The following GPC5 variants were observed in gnomAD, a reference collection of about 807,000 sequenced individuals.
GPC5 encodes the protein glypican 5, also known as glypican-5.
Under a neutral mutation model 53.9 loss-of-function variants are expected in GPC5, and 47 were observed. The ratio of observed to expected loss-of-function variants is 0.87; its 90% confidence interval spans 0.69 to 1.11. The LOEUF is 1.11. Among genes scored for constraint, GPC5 ranks in the 50% most tolerant of loss-of-function variants. The pLI, the probability that GPC5 is intolerant of heterozygous loss-of-function variation, is 0.00. For missense variants in GPC5, 748 were observed against 713.1 expected (o/e 1.05, Z -0.56); for synonymous variants, 286 against 263.3 (o/e 1.09, Z -0.84).
At chr13:92,714,418 T>A (rs1458520535) in intron 7 of GPC5, among the ~76,000 whole-genome samples, 1 of 152,198 alleles carries the variant, frequency 6.6e-6, no homozygotes, top group Non-Finnish European at 1.5e-5. Context: ...TCCCACATAA[T>A]TTTGGATTGT....
intron 2 of GPC5, among the ~76,000 whole-genome samples, chr13:91,509,112 A>G (rs886127479): frequency 6.6e-6 from 1 of 152,222 alleles, no homozygotes; most frequent in Non-Finnish European, 1.5e-5. Flanking sequence ...TCTTTCCTGT[A>G]AGAAGCAGGA....
chr13:92,158,655 A>T (rs546825302), intron 7 of GPC5, among the ~76,000 whole-genome samples: 14 of 151,998 alleles, frequency 9.2e-5, no homozygotes, highest in Non-Finnish European at 1.9e-4. Flanking sequence ...TCACATCCCC[A>T]CTGCTACTAT....
intron 7 of GPC5, among the ~76,000 whole-genome samples, chr13:92,266,517 C>A (rs2042803523): frequency 6.6e-6 from 1 of 152,070 alleles, no homozygotes; most frequent in East Asian, 1.9e-4. Context: ...TCGGAGAATT[C>A]ACTGCTGAGT....
At chr13:92,787,796 G>T (rs1478141084) in intron 7 of GPC5, among the ~76,000 whole-genome samples, 1 of 150,930 alleles carries the variant, frequency 6.6e-6, no homozygotes, top group Admixed American at 6.6e-5. Context: ...AGGATTGCTT[G>T]AGCCTGGGAG....
chr13:91,663,726 G>A (rs1281714985), intron 2 of GPC5, among the ~76,000 whole-genome samples: 1 of 152,086 alleles, frequency 6.6e-6, no homozygotes, highest in Non-Finnish European at 1.5e-5. Context: ...AGCCTCCTGA[G>A]TTGTTGGGAT....
At chr13:92,523,218 C>A (rs991526738) in intron 7 of GPC5, among the ~76,000 whole-genome samples, 1 of 152,092 alleles carries the variant, frequency 6.6e-6, no homozygotes, top group African/African-American at 2.4e-5. Flanking sequence ...CCTTCTGGAA[C>A]TCGTGTGTTG....
At chr13:92,572,042 GA>G (rs1219807858) in intron 7 of GPC5, among the ~76,000 whole-genome samples, 2 of 151,064 alleles carry the variant, frequency 1.3e-5, no homozygotes, top group Non-Finnish European at 3.0e-5. Flanking sequence ...CTGGAAAAAA[GA>G]AAAAAAAGTA....
chr13:92,565,885 C>G (rs1882848945), intron 7 of GPC5, among the ~76,000 whole-genome samples: 1 of 151,508 alleles, frequency 6.6e-6, no homozygotes, highest in Non-Finnish European at 1.5e-5. Flanking sequence ...ACATTTTTAC[C>G]CTTCTATTTA....
intron 7 of GPC5, among the ~76,000 whole-genome samples, chr13:92,680,638 C>A (rs1156572130): frequency 6.6e-6 from 1 of 152,118 alleles, no homozygotes; most frequent in African/African-American, 2.4e-5. Flanking sequence ...TAGCACAATG[C>A]ACCTAATGGT....
Position 91,705,696 on chromosome 13 carries a change from C to A in GPC5, c.1020+11815C>A, listed in dbSNP as rs555925615. ...GGTGGAGAAGGACTCTAAAAACACC[C>A]CCCCCCCCATATTTCCAAATGACAT... On this transcript the variant is annotated intron_variant, in intron 3 of 7. Coordinates refer to ENST00000377067, the MANE Select transcript of GPC5 (RefSeq NM_004466.6). Among the ~76,000 whole-genome samples the A allele has an allele frequency of 1.8e-4, 27 of 147,382 alleles. 1 individual carries two copies. The highest frequency in any genetic ancestry group is 5.2e-4 in the African/African-American group (21 of 40,156).
intron 6 of GPC5, among the ~76,000 whole-genome samples, chr13:92,079,789 A>G (rs929156261): frequency 2.0e-5 from 3 of 152,188 alleles, no homozygotes; most frequent in African/African-American, 7.2e-5. Context: ...TTACATTCCC[A>G]TGAACAAGCC....
At chr13:92,064,899 C>G (rs888972756) in intron 6 of GPC5, among the ~76,000 whole-genome samples, 3 of 101,558 alleles carry the variant, frequency 3.0e-5, no homozygotes, top group African/African-American at 1.1e-4. Flanking sequence ...GTGTTTACCA[C>G]CGATTTAAAT....
At chr13:91,594,751 TC>T (rs2032927876) in intron 2 of GPC5, among the ~76,000 whole-genome samples, 1 of 152,124 alleles carries the variant, frequency 6.6e-6, no homozygotes, top group South Asian at 2.1e-4. Context: ...TGATCACACC[TC>T]ACTGCAGCCT....
rs185448060 is a variant in GPC5 at position 92,386,151 on chromosome 13, A to C, written c.1561+241162A>C. ...GTTATGGTCCGTGAAAAATCTAGGA[A>C]AGCTGTAAAAAGGTATAGCATCCAG... On this transcript the variant is annotated intron_variant, in intron 7 of 7. Coordinates refer to ENST00000377067, the MANE Select transcript of GPC5 (RefSeq NM_004466.6). 9.5e-4 allele frequency among the ~76,000 whole-genome samples: 145 copies of C among 152,120 alleles called. 1 individual carries two copies. The highest frequency in any genetic ancestry group is 3.3e-3 in the African/African-American group (135 of 41,534).
At chr13:91,407,342 G>A (rs1305288765) in intron 1 of GPC5, among the ~76,000 whole-genome samples, 1 of 152,166 alleles carries the variant, frequency 6.6e-6, no homozygotes, top group Non-Finnish European at 1.5e-5. Context: ...GAGTAAATGA[G>A]TTGCCAGACA....
chr13:91,873,373 T>C (rs2039168406), intron 5 of GPC5, among the ~76,000 whole-genome samples: 1 of 152,176 alleles, frequency 6.6e-6, no homozygotes. Flanking sequence ...GGTTTGGCTG[T>C]GTCCCCGCCC....
At chr13:92,119,390 GTTTTTTTTTTTTTTT>G (rs386380215) in intron 6 of GPC5, among the ~76,000 whole-genome samples, 2 of 65,684 alleles carry the variant, frequency 3.0e-5, no homozygotes, top group East Asian at 9.6e-4. Flanking sequence ...TAGGATTTTA[GTTTTTTTTTTTTTTT>G]TTTTTTTTTT....
intron 7 of GPC5, among the ~76,000 whole-genome samples, chr13:92,338,717 G>C (rs561298932): frequency 6.6e-6 from 1 of 152,192 alleles, no homozygotes; most frequent in South Asian, 2.1e-4. Flanking sequence ...AAAACAATCA[G>C]TGGTTGCTAG....
intron 7 of GPC5, among the ~76,000 whole-genome samples, chr13:92,297,029 A>AC (rs1347023095): frequency 1.3e-5 from 2 of 152,096 alleles, no homozygotes; most frequent in African/African-American, 4.8e-5. Flanking sequence ...CCCATTGACC[A>AC]CCCAAGGGCT....
Sources: allele counts gnomAD v4.1 joint callset (sites outside exome capture counted in the v4.1 genomes callset), GRCh38; gene constraint gnomAD v4.1.1; transcripts MANE v1.5; gene names NCBI Gene and HGNC (gene_info 2026-07-23, HGNC 2026-07-21).